The following DENND5B variants were observed in gnomAD, a reference collection of about 807,000 sequenced individuals.
DENND5B encodes DENN domain-containing protein 5B.
DENND5B carries 34 observed loss-of-function variants against 140.6 expected under a neutral mutation model. The ratio of observed to expected loss-of-function variants is 0.24; its 90% CI spans 0.18 to 0.32. DENND5B has a LOEUF of 0.32. DENND5B is among the 10% of genes least tolerant of loss of function. The pLI is 1.00. For synonymous variants in DENND5B, 551 were observed against 562.1 expected, an observed-to-expected ratio of 0.98 and a Z score of 0.28; for missense variants, 1,142 against 1,560.2, an observed-to-expected ratio of 0.73 and a Z score of 4.52.
intron 1 of DENND5B, among the ~76,000 whole-genome samples, chr12:31,574,296 A>G (rs1949931578): frequency 1.4e-5 from 1 of 69,870 alleles, no homozygotes; most frequent in Non-Finnish European, 3.4e-5. Context: ...AATAATAATA[A>G]TTTAAAAGGG....
chr12:31,413,348 C>T (rs1942565459), intron 13 of DENND5B, 88 bp downstream of exon 13: 1 of 1,503,492 alleles, frequency 6.7e-7, no homozygotes. Flanking sequence ...GCACTTCATA[C>T]TGAAGAAGCC....
intron 13 of DENND5B, 41 bp from the exon 14 acceptor site, chr12:31,409,425 GAA>G (rs111670680): frequency 2.9e-3 from 2,984 of 1,030,164 alleles, no homozygotes; most frequent in East Asian, 7.0e-3. Context: ...TAGTATCAAA[GAA>G]AAAAAAAAAA....
At chr12:31,510,931 T>C (rs1344109382) in intron 1 of DENND5B, among the ~76,000 whole-genome samples, 3 of 152,120 alleles carry the variant, frequency 2.0e-5, no homozygotes, top group African/African-American at 7.2e-5. Context: ...CCTACACATC[T>C]TTAAGAATTC....
chr12:31,382,264 G>A lies in DENND5B; in HGVS notation c.*5339C>T, dbSNP rs1256906292. Reference sequence around the variant, plus strand: ...GTTTTATTTGTAAAGAACAAAGCATGAAAAGTCATATTTAAATGTACTCCC... The same window carrying A: ...GTTTTATTTGTAAAGAACAAAGCATAAAAAGTCATATTTAAATGTACTCCC... On this transcript the variant is annotated 3_prime_UTR_variant, in exon 21 of 21. Transcript: ENST00000389082. 6.6e-6 allele frequency: 1 copy of A among 152,088 alleles called. No homozygotes were observed. The highest frequency in any genetic ancestry group is 1.5e-5 in the Non-Finnish European group (1 of 68,014). The allele number at this position is 152,088 out of a possible 1,614,324, so 9.4% of individuals were successfully genotyped here. A position where few individuals can be genotyped will look rare whatever the true frequency, so the allele number is the denominator to read the frequency against.
chr12:31,449,153 G>A (rs1208407644), intron 5 of DENND5B, among the ~76,000 whole-genome samples: 15 of 152,198 alleles, frequency 9.9e-5, no homozygotes, highest in Non-Finnish European at 1.5e-5. Flanking sequence ...AAGCCAGAAG[G>A]GGAAAGGGGA....
chr12:31,416,004 T>G (rs1942719926), intron 11 of DENND5B, among the ~76,000 whole-genome samples: 1 of 151,382 alleles, frequency 6.6e-6, no homozygotes, highest in African/African-American at 2.4e-5. Context: ...CCTGGCTAAT[T>G]TTTTGTATTT....
intron 14 of DENND5B, among the ~76,000 whole-genome samples, chr12:31,404,392 G>A (rs1266327138): frequency 6.6e-6 from 1 of 152,174 alleles, no homozygotes; most frequent in Non-Finnish European, 1.5e-5. Context: ...GATCTCTGGG[G>A]CTCAAGCAAT....
At chr12:31,536,428 CAT>C (rs1466393868) in intron 1 of DENND5B, among the ~76,000 whole-genome samples, 1 of 151,852 alleles carries the variant, frequency 6.6e-6, no homozygotes, top group Non-Finnish European at 1.5e-5. Context: ...ATGCAACTGA[CAT>C]ATTGAAGAAT....
chr12:31,480,554 C>A (rs933818142), intron 2 of DENND5B, among the ~76,000 whole-genome samples: 6 of 152,176 alleles, frequency 3.9e-5, no homozygotes, highest in Non-Finnish European at 2.9e-5. Context: ...TCTAACCAAG[C>A]TTGTGGCCTT....
intron 1 of DENND5B, among the ~76,000 whole-genome samples, chr12:31,587,980 A>C (rs1950456871): frequency 6.6e-6 from 1 of 152,128 alleles, no homozygotes; most frequent in Admixed American, 6.6e-5. Flanking sequence ...ACTCTGCTCA[A>C]AACCTTCCAA....
chr12:31,586,723 C>T (rs932538904), intron 1 of DENND5B, among the ~76,000 whole-genome samples: 2 of 151,960 alleles, frequency 1.3e-5, no homozygotes, highest in Admixed American at 6.6e-5. Flanking sequence ...TAGGAATATG[C>T]GTATGTTAAG....
chr12:31,401,840 G>T (rs567675455), intron 15 of DENND5B, among the ~76,000 whole-genome samples: 2 of 152,022 alleles, frequency 1.3e-5, no homozygotes, highest in East Asian at 3.9e-4. Flanking sequence ...CAGGCTGGTC[G>T]TCTCAAACTC....
intron 1 of DENND5B, among the ~76,000 whole-genome samples, chr12:31,561,699 C>CA (rs1189126092): frequency 6.6e-6 from 1 of 152,014 alleles, no homozygotes; most frequent in Non-Finnish European, 1.5e-5. Context: ...CCAGGAAGAA[C>CA]AAAAAATCAA....
rs1022382162 is a variant in DENND5B, at chr12:31,503,080, A to T, written c.128-7161T>A. Among the ~76,000 whole-genome samples the T allele has an allele frequency of 2.0e-5, 3 of 152,192 alleles. No individual in the cohort carries two copies. In the East Asian group the frequency reaches 5.8e-4, roughly 29 times the overall value. ...GAAACACACTTCTGGGAGGGAAACA[A>T]TTGTTACATATGGGACTAGCATGAA... On this transcript the variant is annotated intron_variant, in intron 1 of 20. Transcript: ENST00000389082.
intron 13 of DENND5B, among the ~76,000 whole-genome samples, chr12:31,412,109 G>A (rs1241339659): frequency 2.0e-5 from 3 of 151,906 alleles, no homozygotes; most frequent in South Asian, 2.1e-4. Flanking sequence ...CACCATGCCC[G>A]GTTAATTTTT....
chr12:31,471,531 C>A (rs1025848942), intron 3 of DENND5B, among the ~76,000 whole-genome samples: 1 of 140,976 alleles, frequency 7.1e-6, no homozygotes, highest in Non-Finnish European at 1.5e-5. Context: ...ACACTCCTGA[C>A]CTCAAGCAAT....
chr12:31,474,438 C>T (rs931297301), intron 3 of DENND5B, among the ~76,000 whole-genome samples: 1 of 152,154 alleles, frequency 6.6e-6, no homozygotes, highest in African/African-American at 2.4e-5. Context: ...TAGAAAAGAG[C>T]CTTCACATCC....
intron 1 of DENND5B, among the ~76,000 whole-genome samples, chr12:31,549,875 G>T (rs951575986): frequency 6.6e-6 from 1 of 151,956 alleles, no homozygotes; most frequent in East Asian, 1.9e-4. Flanking sequence ...TGGGCATTTG[G>T]GTTGATTCCA....
Position 31,426,438 on chromosome 12 carries a change from G to T in DENND5B, c.2107-14C>A. ...TTGCATATATTTCTAAAAAATCAAG[G>T]AGTATTTTTAATGCGTAAACATTAG... On this transcript the variant is annotated splice_polypyrimidine_tract_variant and intron_variant, in intron 8 of 20. Transcript: ENST00000389082. 1 of 1,604,890 alleles carries T rather than the reference G, an allele frequency of 6.2e-7. No homozygotes were observed. Among genetic ancestry groups the T allele is most frequent in the South Asian group, 1.1e-5 (1 of 89,278 alleles).
Sources: gnomAD v4.1 joint callset for allele counts (sites outside exome capture counted in the v4.1 genomes callset) on GRCh38, gnomAD v4.1.1 for gene constraint, MANE v1.5 for transcripts, NCBI Gene and HGNC (gene_info 2026-07-23, HGNC 2026-07-21) for gene names.